The following JAZF1 variants were observed in gnomAD, a reference collection of about 807,000 sequenced individuals.
JAZF1 encodes JAZF zinc finger 1, also known as juxtaposed with another zinc finger protein 1.
JAZF1 carries 8 observed loss-of-function variants against 26.4 expected under a neutral mutation model. The ratio of observed to expected loss-of-function variants is 0.30; its 90% confidence interval spans 0.18 to 0.55. JAZF1 has a LOEUF of 0.55. Among genes scored for constraint, JAZF1 ranks in the 20% least tolerant of loss-of-function variants. The pLI, the probability that JAZF1 is intolerant of heterozygous loss-of-function variation, is 0.94. For missense variants in JAZF1, 199 were observed against 322.0 expected (o/e 0.62, Z 2.92); for synonymous variants, 126 against 122.3 (o/e 1.03, Z -0.20).
chr7:28,140,256 T>C (rs1782943361), intron 1 of JAZF1, among the ~76,000 whole-genome samples: 1 of 151,966 alleles, frequency 6.6e-6, no homozygotes, highest in Non-Finnish European at 1.5e-5. Flanking sequence ...CTAATTTTTG[T>C]ATTTTTAGTA....
intron 2 of JAZF1, among the ~76,000 whole-genome samples, chr7:27,956,841 C>T (rs956901936): frequency 2.0e-5 from 3 of 152,204 alleles, no homozygotes; most frequent in African/African-American, 7.2e-5. Flanking sequence ...GTTAATTCAA[C>T]CACTGAGGGA....
chr7:28,118,659 T>C (rs1238067151), intron 1 of JAZF1, among the ~76,000 whole-genome samples: 1 of 152,166 alleles, frequency 6.6e-6, no homozygotes, highest in African/African-American at 2.4e-5. Flanking sequence ...TAATTTTCCA[T>C]ATTAACATTC....
chr7:27,898,891 T>C (rs112765300), intron 2 of JAZF1, among the ~76,000 whole-genome samples: 13 of 152,258 alleles, frequency 8.5e-5, no homozygotes, highest in African/African-American at 3.1e-4. Flanking sequence ...TAAATCATGG[T>C]AACCTTGACA....
intron 1 of JAZF1, among the ~76,000 whole-genome samples, chr7:28,005,500 G>GT (rs1173489132): frequency 1.3e-5 from 2 of 151,760 alleles, no homozygotes; most frequent in East Asian, 1.9e-4. Flanking sequence ...GTTATCAAAT[G>GT]TAAGTGCACA....
chr7:28,066,191 A>G (rs959871191), intron 1 of JAZF1, among the ~76,000 whole-genome samples: 3 of 152,186 alleles, frequency 2.0e-5, no homozygotes, highest in Admixed American at 1.3e-4. Context: ...ACAGAAACAA[A>G]TCTCTAAGGC....
At chr7:27,874,392 C>A (rs1783637513) in intron 3 of JAZF1, among the ~76,000 whole-genome samples, 2 of 152,154 alleles carry the variant, frequency 1.3e-5, no homozygotes, top group African/African-American at 2.4e-5. Flanking sequence ...TCCTTTGCCA[C>A]CCCCTCAGGA....
chr7:28,020,270 T>C (rs1376714048), intron 1 of JAZF1, among the ~76,000 whole-genome samples: 2 of 152,154 alleles, frequency 1.3e-5, no homozygotes, highest in Non-Finnish European at 2.9e-5. Context: ...ATGGGGGAAT[T>C]CCTAAGGTGA....
At chr7:27,992,120 A>G in intron 1 of JAZF1, 139 bp from the exon 2 acceptor site, 1 of 707,760 alleles carries the variant, frequency 1.4e-6, no homozygotes, top group Admixed American at 2.0e-5. Context: ...TGAGTCGGCG[A>G]AGCACAATCA....
At chr7:28,040,836 C>A (rs1783377972) in intron 1 of JAZF1, among the ~76,000 whole-genome samples, 2 of 152,122 alleles carry the variant, frequency 1.3e-5, no homozygotes, top group South Asian at 4.1e-4. Context: ...AGGTAGAAGA[C>A]CACAATTCTC....
intron 1 of JAZF1, among the ~76,000 whole-genome samples, chr7:28,039,761 C>T (rs73683944): frequency 0.11 from 16,426 of 152,048 alleles, 1,535 homozygotes; most frequent in East Asian, 0.37. Context: ...TAAAATTCAA[C>T]GTGTATATGT....
At chr7:27,968,104 T>C (rs770383374) in intron 2 of JAZF1, among the ~76,000 whole-genome samples, 6 of 152,226 alleles carry the variant, frequency 3.9e-5, no homozygotes, top group Non-Finnish European at 8.8e-5. Context: ...TTGTATGGTA[T>C]ATAACAAACA....
intron 2 of JAZF1, among the ~76,000 whole-genome samples, chr7:27,914,403 C>T (rs1367542509): frequency 6.6e-6 from 1 of 152,116 alleles, no homozygotes; most frequent in Non-Finnish European, 1.5e-5. Context: ...AGGCCCGAAG[C>T]AGAAGACCAC....
chr7:28,058,743 C>T (rs1365862363), intron 1 of JAZF1, among the ~76,000 whole-genome samples: 2 of 152,192 alleles, frequency 1.3e-5, no homozygotes, highest in Non-Finnish European at 2.9e-5. Context: ...GACTTACGTG[C>T]ATGCATGCTT....
intron 1 of JAZF1, among the ~76,000 whole-genome samples, chr7:28,016,553 CA>C (rs1393313619): frequency 6.6e-6 from 1 of 152,196 alleles, no homozygotes; most frequent in African/African-American, 2.4e-5. Flanking sequence ...GATGAAGGGA[CA>C]GGGGCCAAGG....
chr7:28,173,440 C>T (rs992112823), intron 1 of JAZF1, among the ~76,000 whole-genome samples: 2 of 152,102 alleles, frequency 1.3e-5, no homozygotes, highest in African/African-American at 4.8e-5. Context: ...TATACGTACA[C>T]ACATATATGT....
intron 2 of JAZF1, among the ~76,000 whole-genome samples, chr7:27,900,920 G>A (rs1333291359): frequency 2.0e-5 from 3 of 151,230 alleles, no homozygotes; most frequent in African/African-American, 4.9e-5. Context: ...ATAGAAATCC[G>A]TGTACCTACC....
intron 1 of JAZF1, among the ~76,000 whole-genome samples, chr7:28,069,717 A>C (rs1365172151): frequency 6.6e-6 from 1 of 152,192 alleles, no homozygotes; most frequent in African/African-American, 2.4e-5. Flanking sequence ...TCATGTGCAG[A>C]GGCCTTTAGC....
intron 3 of JAZF1, among the ~76,000 whole-genome samples, chr7:27,868,682 G>C (rs928713953): frequency 6.6e-6 from 1 of 152,186 alleles, no homozygotes; most frequent in Admixed American, 6.5e-5. Flanking sequence ...GGCAGTGAGA[G>C]GTTGCCTCCT....
intron 1 of JAZF1, among the ~76,000 whole-genome samples, chr7:28,029,789 T>C (rs1228030598): frequency 6.6e-6 from 1 of 152,084 alleles, no homozygotes; most frequent in East Asian, 1.9e-4. Flanking sequence ...GCTGACAAGG[T>C]GAAGAACTAT....
Sources: allele counts gnomAD v4.1 joint callset (sites outside exome capture counted in the v4.1 genomes callset), GRCh38; gene constraint gnomAD v4.1.1; transcripts MANE v1.5; gene names NCBI Gene and HGNC (gene_info 2026-07-23, HGNC 2026-07-21).